The following ANKRD11 variants were observed in gnomAD, a reference collection of about 807,000 sequenced individuals.
ANKRD11 encodes the protein ankyrin repeat domain-containing protein 11.
A neutral mutation model predicts 195.7 loss-of-function variants in ANKRD11; 17 were observed. The observed-to-expected ratio is 0.09, with a 90% CI of 0.06 to 0.13. The LOEUF (loss-of-function observed/expected upper bound fraction) is 0.13. ANKRD11 is among the 10% of genes least tolerant of loss of function. The pLI is 1.00. For missense variants in ANKRD11, 3,735 were observed against 3,566.1 expected (o/e 1.05, Z -1.21); for synonymous variants, 1,953 against 1,528.1 (o/e 1.28, Z -6.49).
chr16:89,367,263 G>A (rs915896113), intron 2 of ANKRD11, among the ~76,000 whole-genome samples: 9 of 152,348 alleles, frequency 5.9e-5, no homozygotes, highest in African/African-American at 1.9e-4. Flanking sequence ...GGTGGGTAGA[G>A]CGCCGCTCCA....
At chr16:89,415,073 C>G (rs991377415) in intron 2 of ANKRD11, among the ~76,000 whole-genome samples, 2 of 151,784 alleles carry the variant, frequency 1.3e-5, no homozygotes, top group Non-Finnish European at 2.9e-5. Context: ...CTCAGCCTCC[C>G]CAAGTAGCTG....
chr16:89,285,670 G>C lies in ANKRD11; in HGVS notation c.893-21C>G. ...GCTCTCTGTTGGAGGTAGGAAGCGA[G>C]AGGTCACAGGCAGGCTCAAAACAGC... On this transcript the variant is annotated intron_variant, in intron 8 of 12. Transcript: ENST00000301030. The surrounding 1 kb of genome is among the most constrained non-coding windows in gnomAD (Gnocchi z 5.6). 5 of 1,613,280 alleles carry C rather than the reference G, an allele frequency of 3.1e-6. No homozygotes were observed. Among genetic ancestry groups the C allele is most frequent in the Non-Finnish European group, 4.2e-6 (5 of 1,179,190 alleles).
intron 3 of ANKRD11, among the ~76,000 whole-genome samples, chr16:89,311,213 A>C (rs942318664): frequency 1.3e-5 from 2 of 152,232 alleles, no homozygotes; most frequent in African/African-American, 4.8e-5. Flanking sequence ...TTCAACCTTG[A>C]ATTCTTGGAA....
chr16:89,468,000 G>A (rs1056981446), intron 1 of ANKRD11, among the ~76,000 whole-genome samples: 2 of 150,910 alleles, frequency 1.3e-5, no homozygotes, highest in African/African-American at 4.9e-5. Context: ...GACGGGGTTT[G>A]GTTATGTTGG....
At chr16:89,463,434 G>C (rs1446817032) in intron 1 of ANKRD11, among the ~76,000 whole-genome samples, 1 of 152,174 alleles carries the variant, frequency 6.6e-6, no homozygotes. Flanking sequence ...ATTAAGGGCG[G>C]TGCAAGATGT....
At position 89,384,890 on chromosome 16, in the gene ANKRD11, T is replaced by C. The variant is rs1027842059; in HGVS notation, c.-60+33394A>G. 1.7e-4 allele frequency among the ~76,000 whole-genome samples: 21 copies of C among 121,276 alleles called. 1 individual carries two copies. The East Asian group carries it at 3.8e-3, about 22-fold the overall frequency. 79.6% of individuals were successfully genotyped at this position (121,276 alleles called of 152,430 possible). A position where few individuals can be genotyped will look rare whatever the true frequency, so the allele number is the denominator to read the frequency against. On this transcript the variant is annotated intron_variant, in intron 2 of 12. Coordinates refer to ENST00000301030, the MANE Select transcript of ANKRD11 (RefSeq NM_013275.6). ...TGAGAAATAGTTTTCTTTTTTTTTT[T>C]TTTTTTTTTTTTTTTTTGAGACTAC...
chr16:89,398,280 G>A (rs78143581), intron 2 of ANKRD11, among the ~76,000 whole-genome samples: 77 of 57,348 alleles, frequency 1.3e-3, no homozygotes, highest in East Asian at 3.4e-3. Flanking sequence ...GATTACCTGT[G>A]ACCTCAGCAC....
rs2042383578 is a variant in ANKRD11, at chr16:89,418,346, C to G, written c.-122G>C. 1 of 453,638 alleles carries G rather than the reference C, an allele frequency of 2.2e-6. No individual in the cohort carries two copies. Among genetic ancestry groups the G allele is most frequent in the African/African-American group, 2.0e-5 (1 of 50,004 alleles). The allele number at this position is 453,638 out of a possible 1,614,324, so 28.1% of individuals were successfully genotyped here. ...TCTTTTAAATCCAATGGAGGTGTGT[C>G]CCAGAGCAGGGCTGTATATATTCTG... is the stretch of plus-strand genomic sequence containing the variant. On this transcript the variant is annotated 5_prime_UTR_variant, in exon 2 of 13. Coordinates refer to ENST00000301030, the MANE Select transcript of ANKRD11 (RefSeq NM_013275.6).
intron 2 of ANKRD11, among the ~76,000 whole-genome samples, chr16:89,341,858 ACCCACAGCGG>A (rs2038679945): frequency 2.9e-5 from 2 of 68,204 alleles, no homozygotes; most frequent in African/African-American, 5.9e-5. Context: ...CTGCACCTCC[ACCCACAGCGG>A]CCACGGCCCA....
intron 2 of ANKRD11, among the ~76,000 whole-genome samples, chr16:89,350,583 T>C (rs1398889510): frequency 6.6e-6 from 1 of 152,158 alleles, no homozygotes; most frequent in African/African-American, 2.4e-5. Flanking sequence ...TATTAAATTC[T>C]AGTAAAGCAA....
chr16:89,464,717 C>A (rs2056824686), intron 1 of ANKRD11, among the ~76,000 whole-genome samples: 1 of 151,486 alleles, frequency 6.6e-6, no homozygotes, highest in Admixed American at 6.6e-5. Flanking sequence ...CAGAATTAAG[C>A]ACCTAAATTA....
At chr16:89,463,016 C>T (rs977695919) in intron 1 of ANKRD11, among the ~76,000 whole-genome samples, 2 of 150,548 alleles carry the variant, frequency 1.3e-5, no homozygotes, top group African/African-American at 2.4e-5. Flanking sequence ...GTCAGCCCCC[C>T]GCCAGGCCAG....
At chr16:89,311,241 G>A (rs2036593060) in intron 3 of ANKRD11, among the ~76,000 whole-genome samples, 1 of 152,192 alleles carries the variant, frequency 6.6e-6, no homozygotes, top group Admixed American at 6.5e-5. Flanking sequence ...TACTTGGTTG[G>A]TCATGGTACA....
chr16:89,286,391 G>T, intron 7 of ANKRD11: 1 of 750,926 alleles, frequency 1.3e-6, no homozygotes, highest in Non-Finnish European at 2.2e-6. Flanking sequence ...TCCTCTGTGG[G>T]AAGGGCTGCA....
In ANKRD11 at chr16:89,281,466, G is replaced by A. The variant is rs776241652; in HGVS notation, c.5076C>T (p.Ser1692=). 1 of 1,614,144 alleles carries A rather than the reference G, an allele frequency of 6.2e-7. No homozygotes were observed. The highest frequency in any genetic ancestry group is 8.5e-7 in the Non-Finnish European group (1 of 1,179,996). The change falls in exon 9 of 13, where the codon TCC becomes TCT. Residue 1692 remains serine, a synonymous_variant. Transcript: ENST00000301030. The surrounding 1 kb of genome is among the most constrained non-coding windows in gnomAD (Gnocchi z 5.5). ...GPHMKEVLPA[S]PRPDQSRPTG... is the part of the protein sequence containing the mutation. ...TGGGCCGGCTCTGGTCAGGCCTGGG[G>A]GACGCAGGCAGGACCTCTTTCATGT...
intron 1 of ANKRD11, among the ~76,000 whole-genome samples, chr16:89,477,454 C>G (rs1334643259): frequency 6.6e-6 from 1 of 152,052 alleles, no homozygotes; most frequent in Non-Finnish European, 1.5e-5. Flanking sequence ...CTCCTGGGTT[C>G]AACCGATTCT....
At chr16:89,342,150 A>C (rs2038720028) in intron 2 of ANKRD11, among the ~76,000 whole-genome samples, 1 of 152,228 alleles carries the variant, frequency 6.6e-6, no homozygotes, top group South Asian at 2.1e-4. Flanking sequence ...GGGCCCTTCT[A>C]GATCTTGGCG....
chr16:89,303,714 G>T (rs553788007), intron 4 of ANKRD11, among the ~76,000 whole-genome samples: 18 of 152,316 alleles, frequency 1.2e-4, no homozygotes, highest in African/African-American at 4.3e-4. Flanking sequence ...CATCCCTGGA[G>T]CACCCCACAT....
At chr16:89,462,602 G>A (rs545907884) in intron 1 of ANKRD11, among the ~76,000 whole-genome samples, 278 of 150,926 alleles carry the variant, frequency 1.8e-3, no homozygotes, top group African/African-American at 6.4e-3. Flanking sequence ...CCGCCCAGCC[G>A]CCATCCCACT....
Sources: gnomAD v4.1 joint callset for allele counts (sites outside exome capture counted in the v4.1 genomes callset) on GRCh38, gnomAD v4.1.1 for gene constraint, Gnocchi (gnomAD v3.1) non-coding constraint, MANE v1.5 for transcripts, NCBI Gene and HGNC (gene_info 2026-07-23, HGNC 2026-07-21) for gene names.